Variants in NXPH1 observed in about 807,000 individuals in gnomAD.
NXPH1 encodes neurexophilin 1, also known as neurexophilin-1.
In NXPH1, 5 loss-of-function variants were observed where a neutral mutation model predicts 23.7. The ratio of observed to expected loss-of-function variants is 0.21; its 90% confidence interval spans 0.11 to 0.44. The LOEUF (loss-of-function observed/expected upper bound fraction) is 0.44, where lower values mean the gene tolerates loss of function less well. NXPH1 is among the 20% of genes least tolerant of loss of function. The pLI is 0.99. For synonymous variants in NXPH1, 144 were observed against 122.2 expected, an observed-to-expected ratio of 1.18 and a Z score of -1.18; for missense variants, 324 against 321.6, an observed-to-expected ratio of 1.01 and a Z score of -0.06.
intron 2 of NXPH1, among the ~76,000 whole-genome samples, chr7:8,722,968 T>A (rs1743368816): frequency 6.6e-6 from 1 of 152,220 alleles, no homozygotes; most frequent in Admixed American, 6.5e-5. Flanking sequence ...ACAGTCAAAC[T>A]GTGTTTATTT....
At chr7:8,629,065 A>C (rs1029358951) in intron 2 of NXPH1, among the ~76,000 whole-genome samples, 1 of 151,958 alleles carries the variant, frequency 6.6e-6, no homozygotes, top group African/African-American at 2.4e-5. Flanking sequence ...GAATAAAAAC[A>C]AATTTTCGAA....
intron 2 of NXPH1, among the ~76,000 whole-genome samples, chr7:8,489,474 A>G (rs1313448430): frequency 6.6e-6 from 1 of 152,106 alleles, no homozygotes; most frequent in Non-Finnish European, 1.5e-5. Context: ...AGCTATTCTC[A>G]CATTTAGTGT....
intron 2 of NXPH1, among the ~76,000 whole-genome samples, chr7:8,668,622 G>A (rs912974663): frequency 2.0e-5 from 3 of 151,054 alleles, no homozygotes; most frequent in African/African-American, 7.3e-5. Flanking sequence ...AAAGGCTGAT[G>A]TACTGGTGGG....
At chr7:8,525,132 T>G (rs984775485) in intron 2 of NXPH1, among the ~76,000 whole-genome samples, 6 of 152,150 alleles carry the variant, frequency 3.9e-5, no homozygotes, top group Non-Finnish European at 8.8e-5. Context: ...GACAATAAAA[T>G]TTAGGGTGAG....
chr7:8,751,059 G>C lies in NXPH1; in HGVS notation c.106G>C (p.Gly36Arg). 7 of 1,613,834 alleles carry C rather than the reference G, an allele frequency of 4.3e-6. No homozygotes were observed. Among genetic ancestry groups the C allele is most frequent in the Non-Finnish European group, 5.9e-6 (7 of 1,179,766 alleles). The change falls in exon 3 of 3, where the codon GGA becomes CGA. Residue 36 changes from glycine (G) to arginine (R), a missense_variant. By Grantham distance (125) the Gly-to-Arg change is moderately radical (BLOSUM62 -2). Coordinates refer to ENST00000405863, the MANE Select transcript of NXPH1 (RefSeq NM_152745.3). This position sits in a 1 kb window ranked among gnomAD's most constrained non-coding sequence, Gnocchi z 4.5. ...NGGKSELLKS[G>R]SSKSTLKHIW... Reference sequence around the variant, plus strand: ...TGGAAAGTCAGAACTTCTGAAATCAGGAAGCAGCAAATCCACACTAAAGCA... The same window carrying C: ...TGGAAAGTCAGAACTTCTGAAATCACGAAGCAGCAAATCCACACTAAAGCA...
At chr7:8,461,792 T>C (rs1816700290) in intron 2 of NXPH1, among the ~76,000 whole-genome samples, 1 of 136,264 alleles carries the variant, frequency 7.3e-6, no homozygotes, top group Non-Finnish European at 1.5e-5. Flanking sequence ...ATCGCGCCAC[T>C]GCAGTCCGCA....
chr7:8,445,037 T>C (rs1816375641), intron 2 of NXPH1, among the ~76,000 whole-genome samples: 1 of 152,188 alleles, frequency 6.6e-6, no homozygotes, highest in South Asian at 2.1e-4. Context: ...CCTCCCACCC[T>C]CTTCATTTTT....
At chr7:8,624,358 A>G (rs1035427532) in intron 2 of NXPH1, among the ~76,000 whole-genome samples, 1 of 152,190 alleles carries the variant, frequency 6.6e-6, no homozygotes, top group Non-Finnish European at 1.5e-5. Flanking sequence ...AAGGTTGTCC[A>G]GACTCTGAGA....
At chr7:8,660,386 A>G (rs770317833) in intron 2 of NXPH1, among the ~76,000 whole-genome samples, 52 of 152,210 alleles carry the variant, frequency 3.4e-4, no homozygotes, top group Admixed American at 5.9e-4. Context: ...GTTAACTTAC[A>G]TAAACACGGG....
chr7:8,730,710 G>T (rs1019546324), intron 2 of NXPH1, among the ~76,000 whole-genome samples: 17 of 152,158 alleles, frequency 1.1e-4, no homozygotes, highest in South Asian at 6.2e-4. Flanking sequence ...CGAGAGATCC[G>T]CTGTTAGTCT....
At chr7:8,598,300 G>A (rs1414404007) in intron 2 of NXPH1, among the ~76,000 whole-genome samples, 3 of 152,070 alleles carry the variant, frequency 2.0e-5, no homozygotes, top group Non-Finnish European at 4.4e-5. Flanking sequence ...GGCCTGCATG[G>A]CTCTCCTTTT....
At chr7:8,555,180 T>C (rs1380532503) in intron 2 of NXPH1, among the ~76,000 whole-genome samples, 2 of 151,706 alleles carry the variant, frequency 1.3e-5, no homozygotes, top group Non-Finnish European at 3.0e-5. Flanking sequence ...GTTCACTGGT[T>C]GGGGAAAACT....
At chr7:8,613,754 T>A (rs539574626) in intron 2 of NXPH1, among the ~76,000 whole-genome samples, 2 of 151,966 alleles carry the variant, frequency 1.3e-5, no homozygotes, top group East Asian at 3.9e-4. Flanking sequence ...TTTTTTAAGG[T>A]AACTGGCTAT....
At chr7:8,692,715 T>C (rs1310334297) in intron 2 of NXPH1, among the ~76,000 whole-genome samples, 1 of 152,202 alleles carries the variant, frequency 6.6e-6, no homozygotes, top group Non-Finnish European at 1.5e-5. Flanking sequence ...TAACTCCCAG[T>C]ATCCTTTGTG....
intron 2 of NXPH1, among the ~76,000 whole-genome samples, chr7:8,641,446 T>C (rs1413618165): frequency 6.6e-6 from 1 of 151,040 alleles, no homozygotes; most frequent in Non-Finnish European, 1.5e-5. Flanking sequence ...GCTATAAATC[T>C]GAACTTTTTT....
intron 2 of NXPH1, among the ~76,000 whole-genome samples, chr7:8,483,683 A>G (rs1817111269): frequency 6.6e-6 from 1 of 152,206 alleles, no homozygotes; most frequent in Non-Finnish European, 1.5e-5. Flanking sequence ...AAATCATGTC[A>G]GAGTGGGGTG....
intron 2 of NXPH1, among the ~76,000 whole-genome samples, chr7:8,632,165 T>A (rs1044910092): frequency 2.0e-5 from 3 of 152,074 alleles, no homozygotes; most frequent in African/African-American, 7.2e-5. Context: ...AGGGGCTGAG[T>A]GTTTACTAAT....
At chr7:8,596,206 C>A (rs1454947142) in intron 2 of NXPH1, among the ~76,000 whole-genome samples, 1 of 152,060 alleles carries the variant, frequency 6.6e-6, no homozygotes, top group African/African-American at 2.4e-5. Context: ...TTGGAAAGTT[C>A]ATTTCTGCTA....
At chr7:8,547,681 T>C (rs1390740661) in intron 2 of NXPH1, among the ~76,000 whole-genome samples, 3 of 151,434 alleles carry the variant, frequency 2.0e-5, no homozygotes, top group Non-Finnish European at 4.4e-5. Context: ...GTCTCCATTG[T>C]CTACTATTTC....
Sources: allele counts gnomAD v4.1 joint callset (sites outside exome capture counted in the v4.1 genomes callset), GRCh38; gene constraint gnomAD v4.1.1; non-coding constraint Gnocchi (gnomAD v3.1); transcripts MANE v1.5; gene names NCBI Gene and HGNC (gene_info 2026-07-23, HGNC 2026-07-21).